Variants in FNDC3A observed in about 807,000 individuals in gnomAD.
FNDC3A encodes fibronectin type III domain containing 3A, also known as fibronectin type-III domain-containing protein 3A.
Under a neutral mutation model 148.9 loss-of-function variants are expected in FNDC3A, and 32 were observed. That is an observed-to-expected ratio of 0.21 (90% CI 0.16 to 0.29). The LOEUF (loss-of-function observed/expected upper bound fraction) is 0.29, where lower values mean the gene tolerates loss of function less well. FNDC3A is among the 10% of genes least tolerant of loss of function. FNDC3A has a pLI of 1.00. For missense variants in FNDC3A, 1,191 were observed against 1,452.8 expected (o/e 0.82, Z 2.93); for synonymous variants, 472 against 473.6 (o/e 1.00, Z 0.04).
At chr13:49,203,353 G>A (rs1057160963) in intron 25 of FNDC3A, 69 bp downstream of exon 25, 36 of 1,177,438 alleles carry the variant, frequency 3.1e-5, no homozygotes, top group Middle Eastern at 2.1e-4. Flanking sequence ...TATTTTCAGT[G>A]TAAGATTTGG....
rs1188049475 is a variant in FNDC3A at position 49,201,938 on chromosome 13, T to C, written c.3126T>C (p.Thr1042=). 1 of 1,583,336 alleles carries C rather than the reference T, an allele frequency of 6.3e-7. No homozygotes were observed. Among genetic ancestry groups the C allele is most frequent in the East Asian group, 2.3e-5 (1 of 43,286 alleles). ...TCTCCCAAGAATATATTTTCACTAC[T>C]CCAAAATCTGTCCCAGCTGCCTTGA... The part of the protein sequence containing the change: ...GPLSQEYIFT[T]PKSVPAALKA... Residue 1042 remains threonine, a synonymous_variant, in exon 24 of 26, where the codon ACT becomes ACC. Coordinates refer to ENST00000492622, the MANE Select transcript of FNDC3A (RefSeq NM_001079673.2).
intron 3 of FNDC3A, among the ~76,000 whole-genome samples, chr13:49,078,390 T>C (rs894799035): frequency 1.3e-5 from 2 of 152,186 alleles, no homozygotes; most frequent in Non-Finnish European, 2.9e-5. Flanking sequence ...TGAGAAGATA[T>C]TTTTAGGCAG....
chr13:49,178,515 C>A, intron 13 of FNDC3A, 53 bp from the exon 14 acceptor site: 1 of 1,068,572 alleles, frequency 9.4e-7, no homozygotes, highest in Non-Finnish European at 1.4e-6. Flanking sequence ...TCATTATTGC[C>A]CATATTTCTA....
chr13:49,121,262 A>G (rs535762525), intron 4 of FNDC3A, among the ~76,000 whole-genome samples: 1 of 152,358 alleles, frequency 6.6e-6, no homozygotes, highest in Admixed American at 6.5e-5. Context: ...AAATAATGAA[A>G]TGAAGGCAGA....
At chr13:49,172,264 GACTTA>G (rs1318898270) in intron 11 of FNDC3A, among the ~76,000 whole-genome samples, 168 bp downstream of exon 11, 2 of 152,168 alleles carry the variant, frequency 1.3e-5, no homozygotes, top group South Asian at 2.1e-4. Context: ...AAACATTCCT[GACTTA>G]ACTTCCCTAT....
At chr13:48,989,832 A>G (rs959456305) in intron 1 of FNDC3A, among the ~76,000 whole-genome samples, 4 of 152,016 alleles carry the variant, frequency 2.6e-5, no homozygotes, top group Non-Finnish European at 5.9e-5. Flanking sequence ...GCTCACTGTA[A>G]CCTTCGCCTC....
chr13:49,134,841 C>CCTTTT (rs1882254848), intron 5 of FNDC3A, among the ~76,000 whole-genome samples: 1 of 2,638 alleles, frequency 3.8e-4, no homozygotes, highest in Non-Finnish European at 5.9e-4. Flanking sequence ...GAGTTTCACT[C>CCTTTT]TTTTTTTTTT....
chr13:49,164,139 T>C (rs1884322900), intron 8 of FNDC3A, among the ~76,000 whole-genome samples: 1 of 152,204 alleles, frequency 6.6e-6, no homozygotes, highest in Non-Finnish European at 1.5e-5. Context: ...TTCAAAGTTA[T>C]GAAACATAAC....
At chr13:49,146,126 A>C in intron 8 of FNDC3A, 191 bp downstream of exon 8, 1 of 512,968 alleles carries the variant, frequency 1.9e-6, no homozygotes, top group South Asian at 2.8e-5. Context: ...ACCTTCCTTC[A>C]GAATAATCAC....
At position 49,082,225 on chromosome 13, in the gene FNDC3A, A is replaced by C. The variant is rs573169867; in HGVS notation, c.175+6861A>C. Among the ~76,000 whole-genome samples the C allele has an allele frequency of 9.2e-5, 14 of 152,188 alleles. 1 individual carries two copies. In the South Asian group the frequency reaches 2.9e-3, roughly 32 times the overall value. ...ACATGATGAAACCCTGTCTCTATTA[A>C]AAATACAAAAATTAGCTGGATGTGG... On this transcript the variant is annotated intron_variant, in intron 3 of 25. Transcript: ENST00000492622.
chr13:49,041,852 TATC>T (rs1874960683), intron 2 of FNDC3A, among the ~76,000 whole-genome samples: 1 of 151,590 alleles, frequency 6.6e-6, no homozygotes, highest in Non-Finnish European at 1.5e-5. Flanking sequence ...GAAAACCTAT[TATC>T]AGCCAGGCTC....
intron 1 of FNDC3A, among the ~76,000 whole-genome samples, chr13:49,004,029 A>C (rs1462104053): frequency 1.3e-5 from 2 of 152,164 alleles, no homozygotes; most frequent in Non-Finnish European, 2.9e-5. Context: ...GGGCTGTGGC[A>C]GGGAAGAATT....
chr13:49,134,838 A>T (rs1391623485), intron 5 of FNDC3A, among the ~76,000 whole-genome samples: 37 of 4,852 alleles, frequency 7.6e-3, no homozygotes, highest in Non-Finnish European at 0.015. Flanking sequence ...ATGGAGTTTC[A>T]CTCTTTTTTT....
intron 1 of FNDC3A, among the ~76,000 whole-genome samples, chr13:48,996,956 G>A (rs1255330425): frequency 2.6e-5 from 4 of 151,922 alleles, no homozygotes; most frequent in South Asian, 2.1e-4. Flanking sequence ...CCAGCTACTC[G>A]GGAGGGTGAG....
At chr13:49,109,396 GTTA>G (rs2137860396) in intron 3 of FNDC3A, among the ~76,000 whole-genome samples, 1 of 152,274 alleles carries the variant, frequency 6.6e-6, no homozygotes. Context: ...TACTGAAGCT[GTTA>G]TTAAAATATA....
intron 1 of FNDC3A, among the ~76,000 whole-genome samples, chr13:48,977,948 C>A (rs1044298298): frequency 1.3e-5 from 2 of 152,106 alleles, no homozygotes; most frequent in African/African-American, 4.8e-5. Context: ...TGAATTAACT[C>A]CCTCTTTTTC....
chr13:48,987,576 C>T (rs1449056310), intron 1 of FNDC3A, among the ~76,000 whole-genome samples: 2 of 152,188 alleles, frequency 1.3e-5, no homozygotes, highest in Non-Finnish European at 2.9e-5. Flanking sequence ...AACCTTTCTT[C>T]ACTTAAGGGA....
At chr13:49,133,586 G>A (rs1001266509) in intron 5 of FNDC3A, among the ~76,000 whole-genome samples, 2 of 152,186 alleles carry the variant, frequency 1.3e-5, no homozygotes, top group East Asian at 1.9e-4. Context: ...CTATACCTCC[G>A]TGATGTCCTT....
intron 2 of FNDC3A, among the ~76,000 whole-genome samples, chr13:49,050,839 A>T (rs969427259): frequency 1.3e-5 from 2 of 152,070 alleles, no homozygotes; most frequent in Non-Finnish European, 2.9e-5. Flanking sequence ...TTAGGTGCAT[A>T]TATATTTAGA....
Sources: allele counts gnomAD v4.1 joint callset (sites outside exome capture counted in the v4.1 genomes callset), GRCh38; gene constraint gnomAD v4.1.1; transcripts MANE v1.5; gene names NCBI Gene and HGNC (gene_info 2026-07-23, HGNC 2026-07-21).